Variants in NALF1 observed in about 807,000 individuals in gnomAD.
The protein encoded by NALF1 is family with sequence similarity 155 member A.
NALF1 carries 3 observed loss-of-function variants against 48.4 expected under a neutral mutation model. That is an observed-to-expected ratio of 0.06 (90% CI 0.03 to 0.16). The LOEUF (loss-of-function observed/expected upper bound fraction) is 0.16, where lower values mean the gene tolerates loss of function less well. Among genes scored for constraint, NALF1 ranks in the 10% least tolerant of loss-of-function variants. The probability of loss-of-function intolerance (pLI) is 1.00; values close to 1 mark genes in which losing one functional copy is unlikely to be tolerated. For synonymous variants in NALF1, 262 were observed against 245.7 expected (o/e 1.07, Z -0.62); for missense variants, 526 against 571.5 (o/e 0.92, Z 0.81).
At chr13:107,288,260 C>T (rs1166677356) in intron 1 of NALF1, among the ~76,000 whole-genome samples, 3 of 145,196 alleles carry the variant, frequency 2.1e-5, no homozygotes, top group African/African-American at 5.1e-5. Context: ...CGCTCTGTCG[C>T]CCAGGCTGGA....
chr13:107,696,987 G>GT (rs1002309656), intron 1 of NALF1, among the ~76,000 whole-genome samples: 4 of 151,758 alleles, frequency 2.6e-5, no homozygotes, highest in Admixed American at 6.6e-5. Flanking sequence ...CCTATAACCT[G>GT]TTTTTTTATT....
Position 107,706,610 on chromosome 13 carries a change from G to T in NALF1, c.915+159072C>A, listed in dbSNP as rs1317971205. Among the ~76,000 whole-genome samples, 8 of 152,262 alleles carry T rather than the reference G, an allele frequency of 5.3e-5. No individual in the cohort carries two copies. In the East Asian group the frequency reaches 1.5e-3, roughly 29 times the overall value. On this transcript the variant is annotated intron_variant, in intron 1 of 2. Coordinates refer to ENST00000375915, the MANE Select transcript of NALF1 (RefSeq NM_001080396.3). ...ATTTGGTAACTTAAAAGCAGGATCA[G>T]TCTTGAACAAAGCACTGTCGCTCAG...
At position 107,170,007 on chromosome 13, in the gene NALF1, T is replaced by TTTG. The variant is rs891047009; in HGVS notation, c.*487_*489dup. ...TGTCTTTTTTATTTTTTATTCTTTT[T>TTTG]TTGTTGTTGTTTTTTGCTATACCAT... On this transcript the variant is annotated 3_prime_UTR_variant, in exon 3 of 3. Coordinates refer to ENST00000375915, the MANE Select transcript of NALF1 (RefSeq NM_001080396.3). The TTTG allele has an allele frequency of 5.2e-5, 8 of 152,758 alleles. No individual in the cohort carries two copies. Among genetic ancestry groups the TTTG allele is most frequent in the African/African-American group, 1.9e-4 (8 of 41,450 alleles). 9.5% of individuals were successfully genotyped at this position (152,758 alleles called of 1,614,324 possible).
At chr13:107,431,665 G>A (rs1417526733) in intron 1 of NALF1, among the ~76,000 whole-genome samples, 1 of 152,164 alleles carries the variant, frequency 6.6e-6, no homozygotes, top group Non-Finnish European at 1.5e-5. Flanking sequence ...CCAGGACTTT[G>A]CACTATTCCA....
At chr13:107,483,555 C>T (rs9559047) in intron 1 of NALF1, among the ~76,000 whole-genome samples, 48,025 of 151,802 alleles carry the variant, frequency 0.32, 8,919 homozygotes, top group Middle Eastern at 0.43. Context: ...AAACTGTAGG[C>T]CTTTTGAGGA....
intron 1 of NALF1, among the ~76,000 whole-genome samples, chr13:107,641,561 T>C (rs1880156746): frequency 6.6e-6 from 1 of 152,124 alleles, no homozygotes; most frequent in Non-Finnish European, 1.5e-5. Context: ...TAATTTTAGT[T>C]GGAAAAAACA....
At chr13:107,368,320 C>T (rs1222718667) in intron 1 of NALF1, among the ~76,000 whole-genome samples, 3 of 145,942 alleles carry the variant, frequency 2.1e-5, no homozygotes, top group Non-Finnish European at 3.0e-5. Flanking sequence ...CACATAAATA[C>T]TTTTTTTTTT....
chr13:107,758,866 A>C (rs1170241662), intron 1 of NALF1, among the ~76,000 whole-genome samples: 1 of 152,244 alleles, frequency 6.6e-6, no homozygotes, highest in Non-Finnish European at 1.5e-5. Context: ...ATCTCAATAC[A>C]GGTTTTACGA....
intron 1 of NALF1, among the ~76,000 whole-genome samples, chr13:107,449,878 A>G (rs1340231937): frequency 4.6e-5 from 7 of 152,206 alleles, no homozygotes; most frequent in Admixed American, 1.3e-4. Context: ...ACAGAGCTGG[A>G]TGCCATGCCT....
chr13:107,195,952 A>G (rs1369988831), intron 2 of NALF1, among the ~76,000 whole-genome samples: 1 of 152,224 alleles, frequency 6.6e-6, no homozygotes, highest in Non-Finnish European at 1.5e-5. Flanking sequence ...CATATACACT[A>G]TGGAATAGTA....
intron 1 of NALF1, among the ~76,000 whole-genome samples, chr13:107,850,805 A>T (rs1438329008): frequency 6.6e-6 from 1 of 152,104 alleles, no homozygotes; most frequent in African/African-American, 2.4e-5. Flanking sequence ...TGGGAGGCTG[A>T]GGCAAGAGAA....
At chr13:107,439,857 G>A (rs1160343363) in intron 1 of NALF1, among the ~76,000 whole-genome samples, 1 of 152,144 alleles carries the variant, frequency 6.6e-6, no homozygotes, top group African/African-American at 2.4e-5. Context: ...TTGTTTCTGA[G>A]TAGGGGAAAG....
intron 1 of NALF1, among the ~76,000 whole-genome samples, chr13:107,666,233 G>T (rs1409186935): frequency 1.3e-5 from 2 of 152,048 alleles, no homozygotes; most frequent in Non-Finnish European, 2.9e-5. Context: ...TGACCCTCTA[G>T]AAAGTCATCA....
intron 1 of NALF1, among the ~76,000 whole-genome samples, chr13:107,394,698 A>G (rs1272505403): frequency 2.6e-5 from 4 of 152,200 alleles, no homozygotes; most frequent in Non-Finnish European, 5.9e-5. Context: ...TTTCTCATAC[A>G]AATGCCTACA....
chr13:107,746,775 C>A (rs967437899), intron 1 of NALF1, among the ~76,000 whole-genome samples: 1 of 152,050 alleles, frequency 6.6e-6, no homozygotes, highest in Admixed American at 6.6e-5. Flanking sequence ...CTTTTCTGTT[C>A]CAAGATCATA....
intron 1 of NALF1, among the ~76,000 whole-genome samples, chr13:107,369,954 A>G (rs770623876): frequency 2.6e-5 from 4 of 152,186 alleles, no homozygotes; most frequent in Non-Finnish European, 4.4e-5. Flanking sequence ...TAAGAGCTAT[A>G]ATGAATTTTT....
chr13:107,401,613 A>G (rs1234809041), intron 1 of NALF1, among the ~76,000 whole-genome samples: 1 of 152,180 alleles, frequency 6.6e-6, no homozygotes, highest in Non-Finnish European at 1.5e-5. Context: ...CATGTCAAAG[A>G]AAAAACAATA....
Position 107,866,310 on chromosome 13 carries a change from C to CGCTGCTGCTGCT in NALF1, c.275_286dup (p.Gln92_Gln95dup). The CGCTGCTGCTGCT allele has an allele frequency of 6.2e-7, 1 of 1,602,868 alleles. No homozygotes were observed. Among genetic ancestry groups the CGCTGCTGCTGCT allele is most frequent in the Non-Finnish European group, 8.5e-7 (1 of 1,175,572 alleles). On this transcript the variant is annotated inframe_insertion, in exon 1 of 3. Transcript: ENST00000375915. The surrounding 1 kb of genome is among the most constrained non-coding windows in gnomAD (Gnocchi z 4.4). ...GGGCCAGGAGGGCTCCTGCTGCCGC[C>CGCTGCTGCTGCT]GCTGCTGCTGCTGCTGCTGCCGCTG...
intron 1 of NALF1, among the ~76,000 whole-genome samples, chr13:107,688,037 A>T (rs894613483): frequency 3.9e-5 from 6 of 152,226 alleles, no homozygotes; most frequent in African/African-American, 1.2e-4. Context: ...AATATTAACT[A>T]AAAAAATTCT....
Sources: allele counts gnomAD v4.1 joint callset (sites outside exome capture counted in the v4.1 genomes callset), GRCh38; gene constraint gnomAD v4.1.1; non-coding constraint Gnocchi (gnomAD v3.1); transcripts MANE v1.5; gene names NCBI Gene and HGNC (gene_info 2026-07-23, HGNC 2026-07-21).